Variants in FRMPD4 observed in about 807,000 individuals in gnomAD.
FRMPD4 encodes the protein FERM and PDZ domain containing 4.
A neutral mutation model predicts 94.1 loss-of-function variants in FRMPD4; 22 were observed. The observed-to-expected ratio is 0.23, with a 90% CI of 0.17 to 0.33. The LOEUF (loss-of-function observed/expected upper bound fraction) is 0.33. FRMPD4 is among the 10% of genes least tolerant of loss of function. FRMPD4 has a pLI of 1.00. For missense variants in FRMPD4, 1,111 were observed against 1,339.9 expected (o/e 0.83, Z 2.67); for synonymous variants, 631 against 548.6 (o/e 1.15, Z -2.10).
At chrX:12,548,607 G>A (rs2058502350) in intron 2 of FRMPD4, among the ~76,000 whole-genome samples, 1 of 112,541 alleles carries the variant, frequency 8.9e-6, no homozygotes, top group African/African-American at 3.2e-5. Flanking sequence ...CTCACTACAA[G>A]GTGTCACTAA....
chrX:12,364,432 G>A (rs758900555), intron 1 of FRMPD4, among the ~76,000 whole-genome samples: 25 of 111,142 alleles, frequency 2.2e-4, no homozygotes, highest in African/African-American at 7.9e-4. Flanking sequence ...CAGTCATTTC[G>A]GCCTGCTCTG....
chrX:12,283,860 A>G (rs1206678228), intron 1 of FRMPD4, among the ~76,000 whole-genome samples: 1 of 111,746 alleles, frequency 8.9e-6, no homozygotes, highest in Non-Finnish European at 1.9e-5. Flanking sequence ...ATCAGGAAGT[A>G]TCTCTTGAAG....
chrX:12,141,035 G>T (rs1311819293), intron 1 of FRMPD4, among the ~76,000 whole-genome samples: 3 of 112,034 alleles, frequency 2.7e-5, no homozygotes, highest in Non-Finnish European at 5.6e-5. Context: ...TGAGATAGAA[G>T]TACCTTTAGA....
At chrX:12,545,917 T>C (rs932368567) in intron 2 of FRMPD4, among the ~76,000 whole-genome samples, 7 of 112,674 alleles carry the variant, frequency 6.2e-5, no homozygotes, top group Non-Finnish European at 1.3e-4. Flanking sequence ...ATGAAAACTC[T>C]AATTATCAGT....
Position 12,718,297 on chromosome X carries a change from A to G in FRMPD4, c.3471A>G (p.Ala1157=). 8.3e-7 allele frequency: 1 copy of G among 1,211,246 alleles called. No homozygotes were observed. The highest frequency in any genetic ancestry group is 1.1e-6 in the Non-Finnish European group (1 of 894,866). The change falls in exon 16 of 17, where the codon GCA becomes GCG. Residue 1157 remains alanine (A), a synonymous_variant. Transcript: ENST00000675598. The part of the protein sequence containing the change: ...GDRFLTDVTC[A]SSAKDLDNPE... ...GCTTCTTAACTGACGTGACCTGTGC[A>G]TCTTCAGCCAAAGACTTAGATAACC...
intron 4 of FRMPD4, among the ~76,000 whole-genome samples, chrX:12,667,775 C>CA (rs2059795142): frequency 9.0e-6 from 1 of 111,499 alleles, no homozygotes; most frequent in African/African-American, 3.3e-5. Flanking sequence ...GACTCTGCAT[C>CA]AAAAAAGGAT....
intron 1 of FRMPD4, among the ~76,000 whole-genome samples, chrX:12,306,428 A>G (rs1327391846): frequency 8.9e-6 from 1 of 112,104 alleles, no homozygotes; most frequent in Non-Finnish European, 1.9e-5. Flanking sequence ...AAGAGTGAAT[A>G]TTCATTATGA....
intron 3 of FRMPD4, among the ~76,000 whole-genome samples, chrX:12,068,080 G>C (rs1483723810): frequency 9.0e-6 from 1 of 111,557 alleles, no homozygotes; most frequent in East Asian, 2.8e-4. Context: ...AGAGGTGAGA[G>C]AGGGAGAGGG....
In FRMPD4 at chrX:12,448,169, C is replaced by G. The variant is rs1255551408; in HGVS notation, c.42-50511C>G. On this transcript the variant is annotated intron_variant, in intron 1 of 16. Coordinates refer to ENST00000675598, the MANE Select transcript of FRMPD4 (RefSeq NM_001368397.1). ...TCAAAGTGAAAACATTTTGTTGTTTCCAGACAAAACAAGCCTCTCTTAAAA... is the reference window on the plus strand; with the variant it reads ...TCAAAGTGAAAACATTTTGTTGTTTGCAGACAAAACAAGCCTCTCTTAAAA... 4.5e-5 allele frequency among the ~76,000 whole-genome samples: 5 copies of G among 111,866 alleles called. No homozygotes were observed. The East Asian group carries it at 1.4e-3, about 31-fold the overall frequency.
intron 1 of FRMPD4, among the ~76,000 whole-genome samples, chrX:12,195,309 G>T (rs372471908): frequency 1.2e-5 from 1 of 86,436 alleles, no homozygotes; most frequent in African/African-American, 6.3e-5. Flanking sequence ...TGATTTTTTA[G>T]AAGGACCCAT....
chrX:12,447,531 C>T (rs746367863), intron 1 of FRMPD4, among the ~76,000 whole-genome samples: 4 of 112,134 alleles, frequency 3.6e-5, no homozygotes, highest in Non-Finnish European at 3.8e-5. Context: ...AGGCACTTCA[C>T]AAGTAGCATG....
chrX:12,394,403 T>TC (rs747285618), intron 1 of FRMPD4, among the ~76,000 whole-genome samples: 1 of 112,028 alleles, frequency 8.9e-6, no homozygotes, highest in Non-Finnish European at 1.9e-5. Flanking sequence ...AATCTTTTTT[T>TC]CCCCTCTCAT....
At chrX:12,040,334 T>C (rs1163519934) in intron 3 of FRMPD4, among the ~76,000 whole-genome samples, 5 of 107,412 alleles carry the variant, frequency 4.7e-5, no homozygotes, top group African/African-American at 1.7e-4. Flanking sequence ...AAAATCTGTC[T>C]TTTTTTCTAG....
intron 13 of FRMPD4, among the ~76,000 whole-genome samples, chrX:12,709,351 C>T (rs2041940161): frequency 8.9e-6 from 1 of 111,866 alleles, no homozygotes; most frequent in Admixed American, 9.4e-5. Context: ...TTCTTGCTTC[C>T]TTATTTCTCT....
At chrX:12,544,619 G>A (rs1021589662) in intron 2 of FRMPD4, among the ~76,000 whole-genome samples, 6 of 111,790 alleles carry the variant, frequency 5.4e-5, no homozygotes, top group South Asian at 3.8e-4. Flanking sequence ...ACTTGGAATG[G>A]TAGACATCTA....
intron 1 of FRMPD4, among the ~76,000 whole-genome samples, chrX:12,208,087 A>G (rs1478131201): frequency 8.9e-6 from 1 of 111,846 alleles, no homozygotes; most frequent in African/African-American, 3.2e-5. Context: ...AGAAAACCTG[A>G]AAACCAAGCC....
intron 2 of FRMPD4, among the ~76,000 whole-genome samples, chrX:12,539,157 C>T (rs746289595): frequency 6.3e-5 from 7 of 111,996 alleles, no homozygotes; most frequent in African/African-American, 2.3e-4. Context: ...CTTCAGTAGC[C>T]GATTCGATCA....
intron 1 of FRMPD4, among the ~76,000 whole-genome samples, chrX:12,241,981 G>GGAAGAA (rs1324988198): frequency 7.4e-5 from 6 of 80,972 alleles, no homozygotes; most frequent in Admixed American, 1.3e-4. Context: ...AAGAGGAAGA[G>GGAAGAA]GAAGAAGAAG....
intron 3 of FRMPD4, among the ~76,000 whole-genome samples, chrX:11,882,835 G>A (rs932833057): frequency 9.0e-6 from 1 of 111,466 alleles, no homozygotes; most frequent in African/African-American, 3.3e-5. Context: ...AGGCAGCAGA[G>A]AGGGTGATTT....
Sources: allele counts gnomAD v4.1 joint callset (sites outside exome capture counted in the v4.1 genomes callset), GRCh38; gene constraint gnomAD v4.1.1; transcripts MANE v1.5; gene names NCBI Gene and HGNC (gene_info 2026-07-23, HGNC 2026-07-21).